Variants in PDE6B observed in about 807,000 individuals in gnomAD.
The protein encoded by PDE6B is phosphodiesterase 6B, also known as rod cGMP-specific 3',5'-cyclic phosphodiesterase subunit beta.
In PDE6B, 106 loss-of-function variants were observed where a neutral mutation model predicts 109.0. The observed-to-expected ratio is 0.97, with a 90% confidence interval of 0.83 to 1.14. The LOEUF is 1.14. PDE6B is among the 50% of genes most tolerant of loss of function. The probability of loss-of-function intolerance (pLI) is 0.00; values close to 1 mark genes in which losing one functional copy is unlikely to be tolerated. For synonymous variants in PDE6B, 490 were observed against 471.3 expected (o/e 1.04, Z -0.51); for missense variants, 1,193 against 1,155.6 (o/e 1.03, Z -0.47).
Position 648,146 on chromosome 4 carries a change from C to CT in PDE6B, c.712-5705dup, listed in dbSNP as rs1165711193. On this transcript the variant is annotated intron_variant, in intron 3 of 21. Coordinates refer to ENST00000496514, the MANE Select transcript of PDE6B (RefSeq NM_000283.4). This position sits in a 1 kb window ranked among gnomAD's most constrained non-coding sequence, Gnocchi z 4.5. Reference sequence around the variant, plus strand: ...GTTCTGTTGTCTGGTCACCCCAGCCCTAAACCAGGCAACAAGTGAATTACC... The same window carrying CT: ...GTTCTGTTGTCTGGTCACCCCAGCCCTTAAACCAGGCAACAAGTGAATTACC... Among the ~76,000 whole-genome samples the CT allele has an allele frequency of 6.6e-6, 1 of 152,034 alleles. No individual in the cohort carries two copies. The highest frequency in any genetic ancestry group is 2.4e-5 in the African/African-American group (1 of 41,296).
chr4:667,706 G>C, intron 20 of PDE6B, 150 bp from the exon 21 acceptor site: 1 of 796,268 alleles, frequency 1.3e-6, no homozygotes, highest in East Asian at 2.6e-5. Flanking sequence ...CCCTTCACAG[G>C]GCTCTGCTGG....
chr4:643,700 T>C (rs1735049582), intron 3 of PDE6B, among the ~76,000 whole-genome samples: 1 of 152,006 alleles, frequency 6.6e-6, no homozygotes, highest in African/African-American at 2.4e-5. Flanking sequence ...TTTTGAGGCA[T>C]AGAGTTGTCA....
intron 3 of PDE6B, among the ~76,000 whole-genome samples, chr4:642,124 T>C (rs991074861): frequency 1.3e-5 from 2 of 152,218 alleles, no homozygotes; most frequent in Non-Finnish European, 2.9e-5. Context: ...GAGGGAGATA[T>C]CTTTGCCTTA....
chr4:635,521 CCTT>C (rs1734632447), intron 2 of PDE6B, among the ~76,000 whole-genome samples: 1 of 113,238 alleles, frequency 8.8e-6, no homozygotes, highest in Admixed American at 8.7e-5. Flanking sequence ...GCGTCCACCT[CCTT>C]ACCTGCCTGC....
At chr4:650,367 C>G (rs1735444423) in intron 3 of PDE6B, among the ~76,000 whole-genome samples, 1 of 152,264 alleles carries the variant, frequency 6.6e-6, no homozygotes, top group South Asian at 2.1e-4. Context: ...CCCCTGTCCC[C>G]ACTGCCCAGG....
chr4:662,666 C>A lies in PDE6B; in HGVS notation c.1832+48C>A. The A allele has an allele frequency of 8.5e-7, 1 of 1,177,644 alleles. No individual in the cohort carries two copies. The allele number at this position is 1,177,644 out of a possible 1,614,324, so 72.9% of individuals were successfully genotyped here. ...GTGAATTAGCCCTAAATCAACTCCA[C>A]GCCCTTGGCGTGAATTAGGCTTCGC... On this transcript the variant is annotated intron_variant, in intron 14 of 21. Transcript: ENST00000496514. This position sits in a 1 kb window ranked among gnomAD's most constrained non-coding sequence, Gnocchi z 4.3.
rs1734126913 is a variant in PDE6B, at chr4:626,783, G to T, written c.468+689G>T. On this transcript the variant is annotated intron_variant, in intron 1 of 21. Coordinates refer to ENST00000496514, the MANE Select transcript of PDE6B (RefSeq NM_000283.4). This position sits in a 1 kb window ranked among gnomAD's most constrained non-coding sequence, Gnocchi z 4.6. ...TTCATGCAAAGCCTGGGCTAGGGCA[G>T]ACGCTTCCCGAGGACAGAGGCGGTC... Among the ~76,000 whole-genome samples, 1 of 152,228 alleles carries T rather than the reference G, an allele frequency of 6.6e-6. No individual in the cohort carries two copies. The highest frequency in any genetic ancestry group is 1.5e-5 in the Non-Finnish European group (1 of 68,032).
In PDE6B at chr4:626,025, A is replaced by G. The variant is rs1734083023; in HGVS notation, c.399A>G (p.Pro133=). The G allele has an allele frequency of 6.3e-7, 1 of 1,595,070 alleles. No individual in the cohort carries two copies. Among genetic ancestry groups the G allele is most frequent in the Non-Finnish European group, 8.5e-7 (1 of 1,171,614 alleles). ...LVPPDSEIVF[P]LDIGVVGHVA... is the part of the protein sequence containing the mutation. ...CCCCCGACTCCGAGATCGTCTTCCCACTGGACATCGGGGTCGTGGGCCACG... is the reference window on the plus strand; with the variant it reads ...CCCCCGACTCCGAGATCGTCTTCCCGCTGGACATCGGGGTCGTGGGCCACG... Residue 133 remains proline (P), a synonymous_variant, in exon 1 of 22, where the codon CCA becomes CCG. Coordinates refer to ENST00000496514, the MANE Select transcript of PDE6B (RefSeq NM_000283.4). This position sits in a 1 kb window ranked among gnomAD's most constrained non-coding sequence, Gnocchi z 4.6.
At chr4:647,859 G>A (rs903470275) in intron 3 of PDE6B, among the ~76,000 whole-genome samples, 5 of 151,982 alleles carry the variant, frequency 3.3e-5, no homozygotes, top group African/African-American at 1.2e-4. Context: ...GATCACCTGA[G>A]GTCAGGAGTT....
intron 21 of PDE6B, 126 bp from the exon 22 acceptor site, chr4:669,920 G>C (rs1004337481): frequency 1.2e-6 from 1 of 801,158 alleles, no homozygotes; most frequent in African/African-American, 1.7e-5. Flanking sequence ...GGCTTGGGCT[G>C]GTCACAGACC....
chr4:635,604 C>T (rs747540557), intron 2 of PDE6B, among the ~76,000 whole-genome samples: 2 of 152,274 alleles, frequency 1.3e-5, no homozygotes, highest in South Asian at 2.1e-4. Context: ...CTGTGCTGCG[C>T]GTCTGCTGGG....
At chr4:642,471 G>A (rs776215258) in intron 3 of PDE6B, among the ~76,000 whole-genome samples, 29 of 149,080 alleles carry the variant, frequency 1.9e-4, no homozygotes, top group African/African-American at 6.0e-4. Flanking sequence ...AGTAAACTCC[G>A]TCTGAAAAAA....
Position 634,823 on chromosome 4 carries a change from C to T in PDE6B, c.615C>T (p.Asp205=), listed in dbSNP as rs149293844. ...KLNGPFFTSE[D]EDVFLKYLNF... ...ACGGCCCATTCTTCACCAGCGAAGA[C>T]GAAGATGTGAGTGTGGGGGGCACCT... Residue 205 remains aspartate (D), a synonymous_variant, in exon 2 of 22, where the codon GAC becomes GAT. Coordinates refer to ENST00000496514, the MANE Select transcript of PDE6B (RefSeq NM_000283.4). 6.7e-3 allele frequency: 10,829 copies of T among 1,613,658 alleles called. 65 individuals are homozygous for T. The highest frequency in any genetic ancestry group is 7.6e-3 in the Non-Finnish European group (8,914 of 1,179,662).
rs1047449930 is a variant in PDE6B at position 630,317 on chromosome 4, C to T, written c.468+4223C>T. Among the ~76,000 whole-genome samples, 5 of 152,066 alleles carry T rather than the reference C, an allele frequency of 3.3e-5. No individual in the cohort carries two copies. In the East Asian group the frequency reaches 5.8e-4, roughly 18 times the overall value. ...CGGGCTGCTGGGCCACGAGGGGCAG[C>T]GGGAGGGAGCCGCTGAGGCTGGAAG... is the stretch of plus-strand genomic sequence containing the variant. On this transcript the variant is annotated intron_variant, in intron 1 of 21. Transcript: ENST00000496514.
Position 670,271 on chromosome 4 carries a change from C to G in PDE6B, c.*164C>G, listed in dbSNP as rs1738371261. On this transcript the variant is annotated 3_prime_UTR_variant, in exon 22 of 22. Coordinates refer to ENST00000496514, the MANE Select transcript of PDE6B (RefSeq NM_000283.4). ...TTTTTTTTTTTTTTTGAGATGGAGT[C>G]TTGCTCTGTCACCCAGGCTGGAGTG... 9 of 970,104 alleles carry G rather than the reference C, an allele frequency of 9.3e-6. No individual in the cohort carries two copies. In the South Asian group the frequency reaches 1.2e-4, roughly 12 times the overall value. The allele number at this position is 970,104 out of a possible 1,614,324, so 60.1% of individuals were successfully genotyped here.
At chr4:646,618 TGCTCCGCTC>T (rs1313640242) in intron 3 of PDE6B, among the ~76,000 whole-genome samples, 2 of 152,080 alleles carry the variant, frequency 1.3e-5, no homozygotes, top group African/African-American at 4.8e-5. Flanking sequence ...TTTGTCTCTC[TGCTCCGCTC>T]GCTCCGCTCG....
chr4:664,944 G>A lies in PDE6B; in HGVS notation c.2193G>A (p.Lys731=), dbSNP rs1389434790. 6.2e-7 allele frequency: 1 copy of A among 1,611,464 alleles called. No homozygotes were observed. Among genetic ancestry groups the A allele is most frequent in the Non-Finnish European group, 8.5e-7 (1 of 1,178,368 alleles). The change falls in exon 18 of 22, where the codon AAG becomes AAA. Residue 731 remains lysine, a splice_region_variant and synonymous_variant. Transcript: ENST00000496514. ...AITKPWEVQS[K]VALLVAAEFW... is the part of the protein sequence containing the mutation. ...CCAAGCCCTGGGAAGTCCAGAGCAA[G>A]GTTAGAACAGAGGGCCCTCCAGACC...
rs1201158917 is a variant in PDE6B at position 665,534 on chromosome 4, G to A, written c.2268+205G>A. 2.0e-5 allele frequency among the ~76,000 whole-genome samples: 3 copies of A among 152,154 alleles called. No homozygotes were observed. The highest frequency in any genetic ancestry group is 2.1e-4 in the South Asian group (1 of 4,822). ...GTGGCTTGGGTGATGCTTATGCAGA[G>A]GTGACGTCGTTGGCACTGGAGGAAC... On this transcript the variant is annotated intron_variant, in intron 19 of 21. Transcript: ENST00000496514. The surrounding 1 kb of genome is among the most constrained non-coding windows in gnomAD (Gnocchi z 4.0).
chr4:669,509 CACTACCCCAT>C (rs1738237931), intron 21 of PDE6B, among the ~76,000 whole-genome samples: 2 of 115,308 alleles, frequency 1.7e-5, no homozygotes, highest in Non-Finnish European at 3.6e-5. Flanking sequence ...ATGCTATTCC[CACTACCCCAT>C]GCTATTCCCG....
Sources: gnomAD v4.1 joint callset for allele counts (sites outside exome capture counted in the v4.1 genomes callset) on GRCh38, gnomAD v4.1.1 for gene constraint, Gnocchi (gnomAD v3.1) non-coding constraint, MANE v1.5 for transcripts, NCBI Gene and HGNC (gene_info 2026-07-23, HGNC 2026-07-21) for gene names.